CCDC7: variants seen among roughly 807,000 people sequenced by gnomAD.
The protein encoded by CCDC7 is coiled-coil domain-containing protein 7.
In CCDC7, 183 loss-of-function variants were observed where a neutral mutation model predicts 196.9. The observed-to-expected ratio is 0.93, with a 90% CI of 0.82 to 1.05. The LOEUF is 1.05. Ranked by LOEUF, CCDC7 falls within the 50% of genes least tolerant of loss-of-function variation. The probability of loss-of-function intolerance (pLI) is 0.00; values close to 1 mark genes in which losing one functional copy is unlikely to be tolerated. For missense variants in CCDC7, 1,540 were observed against 1,482.2 expected (o/e 1.04, Z -0.64); for synonymous variants, 525 against 484.6 (o/e 1.08, Z -1.10).
At chr10:32,850,774 A>AACACAC (rs59662474) in intron 39 of CCDC7, among the ~76,000 whole-genome samples, 1,796 of 146,778 alleles carry the variant, frequency 0.012, 19 homozygotes, top group African/African-American at 0.024. Flanking sequence ...TGTCTCTGAC[A>AACACAC]ACACACACAC....
intron 28 of CCDC7, among the ~76,000 whole-genome samples, chr10:32,777,289 C>T (rs987320263): frequency 1.3e-5 from 2 of 152,140 alleles, no homozygotes; most frequent in African/African-American, 4.8e-5. Flanking sequence ...CATTGATGAG[C>T]ACCTACGTTG....
intron 33 of CCDC7, among the ~76,000 whole-genome samples, chr10:32,842,550 C>A (rs2093037963): frequency 6.6e-6 from 1 of 151,978 alleles, no homozygotes; most frequent in Admixed American, 6.6e-5. Context: ...CCTTAAAGAA[C>A]TAAAAGTAGA....
intron 18 of CCDC7, among the ~76,000 whole-genome samples, chr10:32,621,237 T>A (rs1258822851): frequency 6.6e-6 from 1 of 152,196 alleles, no homozygotes; most frequent in Non-Finnish European, 1.5e-5. Flanking sequence ...AATGAAATAC[T>A]TCCTTACCTT....
chr10:32,489,300 T>C (rs1367651790), intron 8 of CCDC7, among the ~76,000 whole-genome samples: 1 of 152,180 alleles, frequency 6.6e-6, no homozygotes, highest in Non-Finnish European at 1.5e-5. Flanking sequence ...CATTGATGGT[T>C]CTGGTGTCTA....
chr10:32,708,351 C>T (rs2080182973), intron 24 of CCDC7, among the ~76,000 whole-genome samples: 1 of 152,132 alleles, frequency 6.6e-6, no homozygotes, highest in African/African-American at 2.4e-5. Context: ...AATGTTAGAC[C>T]TAAAACCATA....
At chr10:32,749,649 T>G (rs1405571469) in intron 28 of CCDC7, among the ~76,000 whole-genome samples, 2 of 152,196 alleles carry the variant, frequency 1.3e-5, no homozygotes, top group Non-Finnish European at 2.9e-5. Context: ...AAACAATATA[T>G]AGTTTGTCTT....
chr10:32,679,161 A>C (rs1458335363), intron 21 of CCDC7, among the ~76,000 whole-genome samples: 1 of 152,140 alleles, frequency 6.6e-6, no homozygotes, highest in Non-Finnish European at 1.5e-5. Context: ...TCTTGAGACT[A>C]TTTCACAAGC....
intron 9 of CCDC7, among the ~76,000 whole-genome samples, chr10:32,509,341 G>A (rs1223259754): frequency 2.0e-5 from 3 of 152,070 alleles, no homozygotes; most frequent in Non-Finnish European, 4.4e-5. Context: ...ACTGGGAAAA[G>A]TGGATCTCTA....
At chr10:32,487,281 C>T (rs1447233866) in intron 8 of CCDC7, among the ~76,000 whole-genome samples, 1 of 152,202 alleles carries the variant, frequency 6.6e-6, no homozygotes. Flanking sequence ...ATCGAATCGG[C>T]TACTGAGGCT....
At chr10:32,470,151 C>T (rs910275508) in intron 5 of CCDC7, among the ~76,000 whole-genome samples, 4 of 152,194 alleles carry the variant, frequency 2.6e-5, no homozygotes, top group Non-Finnish European at 4.4e-5. Context: ...ATCCTACTCT[C>T]ATTCCAGTCA....
intron 29 of CCDC7, among the ~76,000 whole-genome samples, chr10:32,803,268 T>C (rs923939403): frequency 6.6e-6 from 1 of 152,194 alleles, no homozygotes; most frequent in Admixed American, 6.5e-5. Flanking sequence ...ATTTGATATA[T>C]AGCACAGTTT....
chr10:32,771,337 A>C (rs2079125911), intron 28 of CCDC7, among the ~76,000 whole-genome samples: 1 of 152,178 alleles, frequency 6.6e-6, no homozygotes, highest in South Asian at 2.1e-4. Flanking sequence ...TTAGTTTTGC[A>C]GGATACAAAA....
At chr10:32,773,689 A>G (rs781118604) in intron 28 of CCDC7, among the ~76,000 whole-genome samples, 8 of 152,126 alleles carry the variant, frequency 5.3e-5, no homozygotes, top group Non-Finnish European at 1.2e-4. Context: ...TGAGTCCATT[A>G]CTGAAGGTTT....
chr10:32,450,389 G>C (rs1473696434), upstream of CCDC7, among the ~76,000 whole-genome samples: 1 of 152,190 alleles, frequency 6.6e-6, no homozygotes, highest in Non-Finnish European at 1.5e-5. Flanking sequence ...CTATTTTCAA[G>C]TAAGGTCACA....
intron 21 of CCDC7, among the ~76,000 whole-genome samples, chr10:32,670,839 T>G (rs776797560): frequency 6.6e-6 from 1 of 152,110 alleles, no homozygotes; most frequent in Admixed American, 6.6e-5. Flanking sequence ...TATTATTTTC[T>G]TCCTTCTATA....
At chr10:32,718,752 A>C (rs2081985003) in intron 25 of CCDC7, among the ~76,000 whole-genome samples, 1 of 152,216 alleles carries the variant, frequency 6.6e-6, no homozygotes, top group Non-Finnish European at 1.5e-5. Flanking sequence ...GAGCCAACTC[A>C]TGAGTGAACT....
chr10:32,494,962 A>G (rs1159296478), intron 9 of CCDC7, among the ~76,000 whole-genome samples: 1 of 152,188 alleles, frequency 6.6e-6, no homozygotes, highest in Non-Finnish European at 1.5e-5. Flanking sequence ...TTCTTGAGGA[A>G]TCACCACACT....
intron 29 of CCDC7, among the ~76,000 whole-genome samples, chr10:32,782,189 T>G (rs766808000): frequency 1.8e-4 from 27 of 151,876 alleles, no homozygotes; most frequent in South Asian, 1.0e-3. Context: ...TGGAAAGACA[T>G]CTCATGTTCA....
intron 18 of CCDC7, among the ~76,000 whole-genome samples, chr10:32,594,350 T>G (rs1434471157): frequency 6.6e-6 from 1 of 152,206 alleles, no homozygotes; most frequent in Non-Finnish European, 1.5e-5. Context: ...GCTCCCTGTT[T>G]GTCTGTTATT....
Sources: allele counts gnomAD v4.1 joint callset (sites outside exome capture counted in the v4.1 genomes callset), GRCh38; gene constraint gnomAD v4.1.1; transcripts MANE v1.5; gene names NCBI Gene and HGNC (gene_info 2026-07-23, HGNC 2026-07-21).